Variants in ABCB4 observed in about 807,000 individuals in gnomAD.
ABCB4 encodes phosphatidylcholine translocator ABCB4.
In ABCB4, 76 loss-of-function variants were observed where a neutral mutation model predicts 145.7. That is an observed-to-expected ratio of 0.52 (90% confidence interval 0.43 to 0.63). The LOEUF (loss-of-function observed/expected upper bound fraction) is 0.63, where lower values mean the gene tolerates loss of function less well. Ranked by LOEUF, ABCB4 falls within the 30% of genes least tolerant of loss-of-function variation. The pLI is 0.00. For missense variants in ABCB4, 1,234 were observed against 1,553.1 expected (o/e 0.79, Z 3.45); for synonymous variants, 517 against 566.8 (o/e 0.91, Z 1.25).
At position 87,409,351 on chromosome 7, in the gene ABCB4, T is replaced by G; in HGVS notation, c.2966A>C (p.His989Pro). 6 of 1,614,140 alleles carry G rather than the reference T, an allele frequency of 3.7e-6. No individual in the cohort carries two copies. Among genetic ancestry groups the G allele is most frequent in the Non-Finnish European group, 5.1e-6 (6 of 1,179,998 alleles). ...ATAGTCTGGAGCAAATGAACTGGCA[T>G]GTCCTAGAGCCACTGCACCAAATAC... ...AIVFGAVALG[H>P]ASSFAPDYAK... Residue 989 changes from histidine to proline, a missense_variant, in exon 24 of 28, where the codon CAT (histidine) becomes CCT (proline). His to Pro is a moderately conservative substitution (Grantham distance 77, BLOSUM62 -2). This residue lies in a region of ABCB4 where 301 missense variants were observed against 389.0 expected (regional missense o/e 0.77). Coordinates refer to ENST00000649586, the MANE Select transcript of ABCB4 (RefSeq NM_000443.4).
intron 18 of ABCB4, among the ~76,000 whole-genome samples, chr7:87,421,794 T>A (rs1809456095): frequency 6.6e-6 from 1 of 152,170 alleles, no homozygotes; most frequent in Non-Finnish European, 1.5e-5. Context: ...CTATAAAGAG[T>A]AACAACAGAA....
the ABCB4 span, among the ~76,000 whole-genome samples, chr7:87,390,180 T>A: frequency 1.3e-5 from 2 of 152,202 alleles, no homozygotes; most frequent in Non-Finnish European, 2.9e-5. Flanking sequence ...TATGCATCAG[T>A]TCCTATTTTG....
chr7:87,464,877 A>G (rs1812744656), intron 3 of ABCB4, among the ~76,000 whole-genome samples: 1 of 152,246 alleles, frequency 6.6e-6, no homozygotes, highest in South Asian at 2.1e-4. Context: ...CCTATGCATT[A>G]AAACCAGCTT....
chr7:87,445,901 C>A (rs960340851), intron 9 of ABCB4, among the ~76,000 whole-genome samples: 6 of 152,108 alleles, frequency 3.9e-5, no homozygotes, highest in African/African-American at 1.4e-4. Context: ...TCAGCCCTAC[C>A]GGATAGGTGT....
the ABCB4 span, among the ~76,000 whole-genome samples, chr7:87,383,588 T>G: frequency 6.6e-6 from 1 of 151,612 alleles, no homozygotes; most frequent in African/African-American, 2.4e-5. Flanking sequence ...CTCTACCTCC[T>G]GGGTTCAAGC....
chr7:87,448,985 G>A (rs2116770170), intron 8 of ABCB4, among the ~76,000 whole-genome samples: 1 of 152,276 alleles, frequency 6.6e-6, no homozygotes, highest in Middle Eastern at 3.4e-3. Context: ...AAAACCCTAA[G>A]TAATTATTTT....
the ABCB4 span, chr7:87,381,958 G>A: frequency 7.4e-5 from 120 of 1,611,074 alleles, no homozygotes; most frequent in Middle Eastern, 8.3e-4. Context: ...TTATTATGTG[G>A]ATGAGAAAAT....
At chr7:87,472,767 A>G (rs545889937) in intron 2 of ABCB4, 92 bp from the exon 3 acceptor site, 2 of 930,554 alleles carry the variant, frequency 2.1e-6, no homozygotes, top group East Asian at 2.6e-5. Flanking sequence ...ATATTCAACT[A>G]TTATATTTTC....
At chr7:87,427,423 G>A (rs560012941) in intron 15 of ABCB4, among the ~76,000 whole-genome samples, 5 of 152,232 alleles carry the variant, frequency 3.3e-5, no homozygotes, top group African/African-American at 7.2e-5. Context: ...TGCACACAAC[G>A]AGACCCAACA....
chr7:87,446,596 AAACT>A (rs1194218136), intron 9 of ABCB4, among the ~76,000 whole-genome samples: 20 of 152,360 alleles, frequency 1.3e-4, no homozygotes, highest in Middle Eastern at 3.4e-3. Context: ...AAATAAAAAC[AAACT>A]AACATAACAT....
chr7:87,411,478 G>C (rs1808619268), intron 23 of ABCB4, among the ~76,000 whole-genome samples: 1 of 152,162 alleles, frequency 6.6e-6, no homozygotes, highest in Admixed American at 6.5e-5. Flanking sequence ...GCCTTTGCCA[G>C]ACTTCCAACA....
At chr7:87,382,294 T>C in the ABCB4 span, 2 of 1,416,596 alleles carry the variant, frequency 1.4e-6, no homozygotes, top group South Asian at 2.5e-5. Context: ...AAATTATGCC[T>C]TTAACACCTT....
chr7:87,444,187 T>C (rs1811185519), intron 10 of ABCB4, among the ~76,000 whole-genome samples: 1 of 152,146 alleles, frequency 6.6e-6, no homozygotes, highest in African/African-American at 2.4e-5. Flanking sequence ...ATAGATTGAA[T>C]TGAGAAGATT....
At chr7:87,416,440 C>T (rs867505225) in intron 21 of ABCB4, among the ~76,000 whole-genome samples, 8 of 152,106 alleles carry the variant, frequency 5.3e-5, no homozygotes, top group Middle Eastern at 3.2e-3. Context: ...TGCTATAAAA[C>T]CTATATCACA....
At chr7:87,377,259 G>T in the ABCB4 span, 1 of 724,148 alleles carries the variant, frequency 1.4e-6, no homozygotes, top group South Asian at 1.9e-5. Context: ...ACGTGAAGAG[G>T]AATGGTGAGA....
Position 87,426,846 on chromosome 7 carries a change from A to G in ABCB4, c.1968T>C (p.Asn656=). 1 of 1,614,012 alleles carries G rather than the reference A, an allele frequency of 6.2e-7. No homozygotes were observed. Among genetic ancestry groups the G allele is most frequent in the Non-Finnish European group, 8.5e-7 (1 of 1,179,976 alleles). ...GCCTAAATAGGCGAGATTTCCAGCCATTTGGGGCCATTCTAGTGGCAGCCT... is the reference window on the plus strand; with the variant it reads ...GCCTAAATAGGCGAGATTTCCAGCCGTTTGGGGCCATTCTAGTGGCAGCCT... ...DEKAATRMAP[N]GWKSRLFRHS... is the part of the protein sequence containing the mutation. The change falls in exon 16 of 28, where the codon AAT becomes AAC. Residue 656 remains asparagine (N), a synonymous_variant. Coordinates refer to ENST00000649586, the MANE Select transcript of ABCB4 (RefSeq NM_000443.4).
chr7:87,410,292 CT>C (rs1255017005), intron 23 of ABCB4, among the ~76,000 whole-genome samples: 9 of 152,094 alleles, frequency 5.9e-5, no homozygotes, highest in African/African-American at 2.2e-4. Context: ...TAATGGAGAA[CT>C]TTAAGTTTTC....
At chr7:87,465,341 A>G (rs925992421) in intron 3 of ABCB4, among the ~76,000 whole-genome samples, 1 of 152,220 alleles carries the variant, frequency 6.6e-6, no homozygotes, top group Non-Finnish European at 1.5e-5. Context: ...GGTGCCCTCC[A>G]TAGCTGAGAC....
At chr7:87,394,064 T>A in the ABCB4 span, among the ~76,000 whole-genome samples, 11 of 152,166 alleles carry the variant, frequency 7.2e-5, no homozygotes, top group African/African-American at 2.7e-4. Context: ...TATATGAACA[T>A]AAGCCCTTAC....
Sources: allele counts gnomAD v4.1 joint callset (sites outside exome capture counted in the v4.1 genomes callset), GRCh38; gene constraint gnomAD v4.1.1; regional missense constraint gnomAD v4.1.1; transcripts MANE v1.5; gene names NCBI Gene and HGNC (gene_info 2026-07-23, HGNC 2026-07-21).